The following DHX57 variants were observed in gnomAD, a reference collection of about 807,000 sequenced individuals.
DHX57 encodes putative ATP-dependent RNA helicase DHX57.
Under a neutral mutation model 156.2 loss-of-function variants are expected in DHX57, and 105 were observed. The ratio of observed to expected loss-of-function variants is 0.67; its 90% CI spans 0.57 to 0.79. The LOEUF is 0.79. DHX57 is among the 30% of genes least tolerant of loss of function. The pLI is 0.00. For synonymous variants in DHX57, 704 were observed against 595.6 expected, an observed-to-expected ratio of 1.18 and a Z score of -2.65; for missense variants, 1,847 against 1,661.9, an observed-to-expected ratio of 1.11 and a Z score of -1.94.
chr2:38,830,631 TA>T (rs569419701), intron 13 of DHX57, among the ~76,000 whole-genome samples: 1,681 of 119,020 alleles, frequency 0.014, 11 homozygotes, highest in Non-Finnish European at 0.019. Flanking sequence ...TCCGTCTCAA[TA>T]AAAAAAAAAA....
At chr2:38,859,019 A>G (rs776156651) in intron 5 of DHX57, among the ~76,000 whole-genome samples, 183 bp from the exon 6 acceptor site, 1 of 152,176 alleles carries the variant, frequency 6.6e-6, no homozygotes, top group Non-Finnish European at 1.5e-5. Flanking sequence ...TGCATCCTCA[A>G]ATAAACTTTT....
intron 21 of DHX57, chr2:38,810,757 C>T (rs920454041): frequency 1.2e-5 from 10 of 828,530 alleles, no homozygotes; most frequent in East Asian, 2.7e-5. Flanking sequence ...TTTGATTTTG[C>T]GCACTTCCTG....
At chr2:38,824,391 A>C (rs1416419317) in intron 16 of DHX57, among the ~76,000 whole-genome samples, 1 of 152,196 alleles carries the variant, frequency 6.6e-6, no homozygotes, top group Non-Finnish European at 1.5e-5. Context: ...ATAGGTATAA[A>C]GTTTCAGTTT....
chr2:38,856,663 C>A, intron 6 of DHX57: 1 of 522,314 alleles, frequency 1.9e-6, no homozygotes, highest in East Asian at 4.2e-5. Flanking sequence ...GCCACTATAC[C>A]CGGCTTTTTG....
chr2:38,842,940 C>A (rs1382797710), intron 12 of DHX57, 65 bp downstream of exon 12: 1 of 1,540,368 alleles, frequency 6.5e-7, no homozygotes, highest in Non-Finnish European at 8.9e-7. Flanking sequence ...TCTTCCGAAT[C>A]TTGGTAAGAA....
At position 38,809,289 on chromosome 2, in the gene DHX57, A is replaced by G. The variant is rs141060454; in HGVS notation, c.3682-2596T>C. On this transcript the variant is annotated intron_variant, in intron 21 of 23. Coordinates refer to ENST00000457308, the MANE Select transcript of DHX57 (RefSeq NM_198963.3). ...CATGTACCACCGTGCCTGGCTAATT[A>G]AAAACAAATTTTTTTTGTAGAGACA... is the stretch of plus-strand genomic sequence containing the variant. 9.5e-3 allele frequency among the ~76,000 whole-genome samples: 1,419 copies of G among 148,654 alleles called. 12 individuals are homozygous for G. The highest frequency in any genetic ancestry group is 0.014 in the Non-Finnish European group (966 of 66,898).
At chr2:38,801,159 C>A (rs1320780444) in intron 23 of DHX57, among the ~76,000 whole-genome samples, 3 of 152,174 alleles carry the variant, frequency 2.0e-5, no homozygotes, top group African/African-American at 7.2e-5. Context: ...ATATGCCAAT[C>A]AATTTCTTTT....
At chr2:38,869,546 C>T (rs1665258109) in intron 1 of DHX57, among the ~76,000 whole-genome samples, 1 of 152,196 alleles carries the variant, frequency 6.6e-6, no homozygotes, top group Non-Finnish European at 1.5e-5. Flanking sequence ...ATTTACTCTC[C>T]AGAGCATTGT....
At chr2:38,830,760 T>G (rs1671338869) in intron 13 of DHX57, among the ~76,000 whole-genome samples, 1 of 152,134 alleles carries the variant, frequency 6.6e-6, no homozygotes, top group African/African-American at 2.4e-5. Context: ...TCCATGTTCT[T>G]TCCATTACAT....
At chr2:38,875,614 GCT>G (rs1435897308) in intron 1 of DHX57, among the ~76,000 whole-genome samples, 171 bp downstream of exon 1, 1 of 152,112 alleles carries the variant, frequency 6.6e-6, no homozygotes, top group Non-Finnish European at 1.5e-5. Context: ...CTGGGATCCT[GCT>G]GGTCCAGATT....
chr2:38,854,743 G>C, intron 8 of DHX57: 1 of 229,924 alleles, frequency 4.3e-6, no homozygotes, highest in Non-Finnish European at 8.7e-6. Flanking sequence ...TGTATTTTTA[G>C]TAGAGATGGG....
chr2:38,799,959 G>A (rs563991363), intron 23 of DHX57, among the ~76,000 whole-genome samples: 137 of 152,068 alleles, frequency 9.0e-4, no homozygotes, highest in African/African-American at 2.9e-3. Flanking sequence ...AGGCCAAGGC[G>A]GGCAGATCAC....
chr2:38,835,682 G>C (rs2124849943), intron 13 of DHX57, among the ~76,000 whole-genome samples: 1 of 152,310 alleles, frequency 6.6e-6, no homozygotes, highest in Middle Eastern at 3.4e-3. Context: ...AGAGAATTCT[G>C]ATAGAGAGAA....
chr2:38,818,145 G>A (rs185880992), intron 19 of DHX57, among the ~76,000 whole-genome samples: 58 of 152,264 alleles, frequency 3.8e-4, no homozygotes, highest in Admixed American at 3.2e-3. Flanking sequence ...GCTGATGAAA[G>A]CTATGGTCCG....
In DHX57 at chr2:38,843,126, A is replaced by T; in HGVS notation, c.2304T>A (p.Thr768=). ...GGTCTTCTTCCACTTCTTCAAATGC[A>T]GTTCTGTTCCGCCTTGCTTTAAGCT... The part of the protein sequence containing the change: ...KEKLKARRNR[T]AFEEVEEDLR... The change falls in exon 12 of 24, where the codon ACT becomes ACA. Residue 768 remains threonine (T), a synonymous_variant. Transcript: ENST00000457308. 6.2e-7 allele frequency: 1 copy of T among 1,614,190 alleles called. No individual in the cohort carries two copies. The highest frequency in any genetic ancestry group is 8.5e-7 in the Non-Finnish European group (1 of 1,180,022).
chr2:38,853,713 A>T (rs920625997), intron 9 of DHX57: 2 of 161,040 alleles, frequency 1.2e-5, no homozygotes, highest in African/African-American at 4.8e-5. Context: ...TGAATGGCCA[A>T]ATAAACAAGG....
chr2:38,875,533 C>T (rs193098969), intron 1 of DHX57, among the ~76,000 whole-genome samples: 26 of 152,312 alleles, frequency 1.7e-4, no homozygotes, highest in Non-Finnish European at 3.2e-4. Flanking sequence ...CCCCGCCCCC[C>T]CCGGCCCCAA....
At chr2:38,809,661 C>G (rs1450601443) in intron 21 of DHX57, among the ~76,000 whole-genome samples, 1 of 151,872 alleles carries the variant, frequency 6.6e-6, no homozygotes, top group Non-Finnish European at 1.5e-5. Context: ...GACAGGGTTT[C>G]ACCATATTGG....
chr2:38,830,526 G>T (rs934100351), intron 13 of DHX57, among the ~76,000 whole-genome samples: 1 of 152,062 alleles, frequency 6.6e-6, no homozygotes, highest in African/African-American at 2.4e-5. Context: ...TACTTGGGAG[G>T]CTGGAGGCAC....
Sources: gnomAD v4.1 joint callset for allele counts (sites outside exome capture counted in the v4.1 genomes callset) on GRCh38, gnomAD v4.1.1 for gene constraint, MANE v1.5 for transcripts, NCBI Gene and HGNC (gene_info 2026-07-23, HGNC 2026-07-21) for gene names.